The following TM9SF4 variants were observed in gnomAD, a reference collection of about 807,000 sequenced individuals.
TM9SF4 encodes the protein transmembrane 9 superfamily member 4.
A neutral mutation model predicts 90.4 loss-of-function variants in TM9SF4; 26 were observed. The ratio of observed to expected loss-of-function variants is 0.29; its 90% CI spans 0.21 to 0.40. TM9SF4 has a LOEUF of 0.40. TM9SF4 is among the 10% of genes least tolerant of loss of function. The pLI, the probability that TM9SF4 is intolerant of heterozygous loss-of-function variation, is 1.00. For missense variants in TM9SF4, 549 were observed against 834.8 expected (o/e 0.66, Z 4.22); for synonymous variants, 293 against 315.4 (o/e 0.93, Z 0.75).
chr20:32,109,803 G>C (rs753064235), intron 1 of TM9SF4, 48 bp downstream of exon 1: 1 of 1,551,148 alleles, frequency 6.4e-7, no homozygotes, highest in African/African-American at 1.4e-5. Context: ...GGGCCCTCCG[G>C]GGTATCCCAG....
rs1366570757 is a variant in TM9SF4, at chr20:32,123,862, ATATAT to A, written c.16-9149_16-9145del. On this transcript the variant is annotated intron_variant, in intron 1 of 17. Transcript: ENST00000398022. Reference sequence around the variant, plus strand: ...CTCTCTCTCATATATATATATATATATATATTTTTTTTTTTAAAGAGATAGGGTCT... The same window carrying A: ...CTCTCTCTCATATATATATATATATATTTTTTTTTTAAAGAGATAGGGTCT... 3.0e-4 allele frequency among the ~76,000 whole-genome samples: 16 copies of A among 53,128 alleles called. No individual in the cohort carries two copies. In the East Asian group the frequency reaches 0.12, roughly 415 times the overall value. The allele number at this position is 53,128 out of a possible 152,430, so 34.9% of individuals were successfully genotyped here.
At chr20:32,122,227 CGG>C (rs2046327728) in intron 1 of TM9SF4, among the ~76,000 whole-genome samples, 1 of 89,002 alleles carries the variant, frequency 1.1e-5, no homozygotes, top group Non-Finnish European at 2.6e-5. Flanking sequence ...ACCTCCCTCC[CGG>C]ACGGGGCGGC....
intron 17 of TM9SF4, 88 bp downstream of exon 17, chr20:32,161,453 A>T: frequency 7.8e-7 from 1 of 1,285,138 alleles, no homozygotes; most frequent in East Asian, 2.4e-5. Context: ...CAAGTGCCTG[A>T]ATCTTCCTTT....
At chr20:32,138,571 C>T (rs576264865) in intron 3 of TM9SF4, among the ~76,000 whole-genome samples, 18 of 152,372 alleles carry the variant, frequency 1.2e-4, no homozygotes, top group African/African-American at 1.9e-4. Flanking sequence ...GCAGGAGGAT[C>T]GCTTCAACCC....
rs954520179 is a variant in TM9SF4 at position 32,167,085 on chromosome 20, T to C, written c.*1641T>C. The C allele has an allele frequency of 2.0e-5, 3 of 152,280 alleles. No individual in the cohort carries two copies. Among genetic ancestry groups the C allele is most frequent in the African/African-American group, 7.2e-5 (3 of 41,558 alleles). The allele number at this position is 152,280 out of a possible 1,614,324, so 9.4% of individuals were successfully genotyped here. A position where few individuals can be genotyped will look rare whatever the true frequency, so the allele number is the denominator to read the frequency against. ...TCATTCAAATCTTGGATTTTTTTTT[T>C]TCCCTAAGAGATTCTCTTTTTAGGG... On this transcript the variant is annotated 3_prime_UTR_variant, in exon 18 of 18. Transcript: ENST00000398022.
rs761379501 is a variant in TM9SF4 at position 32,133,063 on chromosome 20, C to T, written c.66C>T (p.Ser22=). Residue 22 remains serine, a synonymous_variant, in exon 2 of 18, where the codon AGC becomes AGT. Transcript: ENST00000398022. ...TTTTCTCCCTGATGTGTGAAACAAG[C>T]GCCTTCTATGTGCCTGGGGTCGCGC... The part of the protein sequence containing the change: ...LLLFSLMCET[S]AFYVPGVAPI... 5.6e-6 allele frequency: 9 copies of T among 1,614,174 alleles called. No individual in the cohort carries two copies. Among genetic ancestry groups the T allele is most frequent in the South Asian group, 3.3e-5 (3 of 91,082 alleles).
chr20:32,117,738 C>T (rs182158713), intron 1 of TM9SF4, among the ~76,000 whole-genome samples: 90 of 150,580 alleles, frequency 6.0e-4, no homozygotes, highest in Middle Eastern at 3.5e-3. Context: ...CCAGTGATGG[C>T]GTGTTAGATT....
At chr20:32,123,866 A>ATATATTTTTTTTTT in intron 1 of TM9SF4, among the ~76,000 whole-genome samples, 2 of 93,962 alleles carry the variant, frequency 2.1e-5, no homozygotes, top group East Asian at 1.5e-3. Flanking sequence ...ATATATATAT[A>ATATATTTTTTTTTT]TTTTTTTTTT....
intron 1 of TM9SF4, among the ~76,000 whole-genome samples, chr20:32,121,983 AC>A (rs1284127890): frequency 5.8e-5 from 6 of 103,864 alleles, no homozygotes; most frequent in Admixed American, 1.0e-4. Context: ...CGGGGGGCTG[AC>A]CCCCCCACCT....
intron 6 of TM9SF4, among the ~76,000 whole-genome samples, chr20:32,143,562 T>C (rs1303567431): frequency 6.6e-6 from 1 of 152,174 alleles, no homozygotes; most frequent in African/African-American, 2.4e-5. Context: ...AACTAAAATT[T>C]GCCCAGGGTC....
intron 1 of TM9SF4, among the ~76,000 whole-genome samples, chr20:32,132,735 T>C (rs1320001076): frequency 6.6e-6 from 1 of 152,218 alleles, no homozygotes; most frequent in Non-Finnish European, 1.5e-5. Flanking sequence ...AAAAGAACAT[T>C]GATCCAGAAG....
At chr20:32,121,985 C>A (rs1328791697) in intron 1 of TM9SF4, among the ~76,000 whole-genome samples, 3 of 141,890 alleles carry the variant, frequency 2.1e-5, no homozygotes, top group Non-Finnish European at 4.7e-5. Context: ...GGGGGCTGAC[C>A]CCCCCACCTC....
At chr20:32,118,599 TTGTA>T (rs1456871429) in intron 1 of TM9SF4, among the ~76,000 whole-genome samples, 4 of 133,828 alleles carry the variant, frequency 3.0e-5, no homozygotes, top group East Asian at 2.3e-4. Flanking sequence ...ATTTATTTTG[TTGTA>T]TTTATTTATT....
chr20:32,118,573 T>C (rs36148565), intron 1 of TM9SF4, among the ~76,000 whole-genome samples: 20,940 of 151,714 alleles, frequency 0.14, 1,522 homozygotes, highest in East Asian at 0.18. Context: ...TTAGCTACTA[T>C]GCCCAGCCTA....
chr20:32,136,945 G>A (rs764622900), intron 3 of TM9SF4: 18 of 470,986 alleles, frequency 3.8e-5, no homozygotes, highest in African/African-American at 2.0e-4. Flanking sequence ...TCAGGGCTAC[G>A]CATGGCTCAG....
At chr20:32,122,230 ACGGGGCGGC>A (rs1385296190) in intron 1 of TM9SF4, among the ~76,000 whole-genome samples, 7 of 79,136 alleles carry the variant, frequency 8.8e-5, no homozygotes, top group Non-Finnish European at 1.4e-4. Flanking sequence ...TCCCTCCCGG[ACGGGGCGGC>A]TGGCCTGGCG....
rs867105534 is a variant in TM9SF4, at chr20:32,163,262, A to C, written c.1779+1897A>C. Among the ~76,000 whole-genome samples, 383 of 71,204 alleles carry C rather than the reference A, an allele frequency of 5.4e-3. 5 individuals carry two copies. The highest frequency in any genetic ancestry group is 0.022 in the African/African-American group (361 of 16,546). 46.7% of individuals were successfully genotyped at this position (71,204 alleles called of 152,430 possible). On this transcript the variant is annotated intron_variant, in intron 17 of 17. Coordinates refer to ENST00000398022, the MANE Select transcript of TM9SF4 (RefSeq NM_014742.4). ...CTCCATCTCAAAAAAAAAAAAAAAAAAAAAAAATATATATATATATATATA... is the reference window on the plus strand; with the variant it reads ...CTCCATCTCAAAAAAAAAAAAAAAACAAAAAAATATATATATATATATATA...
intron 12 of TM9SF4, 119 bp downstream of exon 12, chr20:32,150,994 A>G: frequency 8.2e-7 from 1 of 1,213,308 alleles, no homozygotes; most frequent in East Asian, 2.5e-5. Context: ...GAGCAGCAGC[A>G]AGACATAGCA....
chr20:32,130,144 C>A (rs903677165), intron 1 of TM9SF4, among the ~76,000 whole-genome samples: 2 of 152,166 alleles, frequency 1.3e-5, no homozygotes, highest in Non-Finnish European at 2.9e-5. Context: ...CGGATACAGC[C>A]ATTAGTTCTA....
Sources: allele counts gnomAD v4.1 joint callset (sites outside exome capture counted in the v4.1 genomes callset), GRCh38; gene constraint gnomAD v4.1.1; transcripts MANE v1.5; gene names NCBI Gene and HGNC (gene_info 2026-07-23, HGNC 2026-07-21).